SEZ6L: variants seen among roughly 807,000 people sequenced by gnomAD.
SEZ6L encodes seizure 6-like protein.
SEZ6L carries 37 observed loss-of-function variants against 106.2 expected under a neutral mutation model. The observed-to-expected ratio is 0.35, with a 90% CI of 0.27 to 0.46. The LOEUF (loss-of-function observed/expected upper bound fraction) is 0.46. Ranked by LOEUF, SEZ6L falls within the 20% of genes least tolerant of loss-of-function variation. The probability of loss-of-function intolerance (pLI) is 1.00; values close to 1 mark genes in which losing one functional copy is unlikely to be tolerated. For missense variants in SEZ6L, 1,172 were observed against 1,332.8 expected (o/e 0.88, Z 1.88); for synonymous variants, 541 against 570.4 (o/e 0.95, Z 0.73).
At chr22:26,323,977 T>C (rs1322266624) in intron 9 of SEZ6L, among the ~76,000 whole-genome samples, 1 of 151,834 alleles carries the variant, frequency 6.6e-6, no homozygotes, top group Non-Finnish European at 1.5e-5. Context: ...CTGAGAGAGA[T>C]GAAACTGCTT....
chr22:26,269,089 T>G (rs893005895), intron 1 of SEZ6L, among the ~76,000 whole-genome samples: 2 of 152,208 alleles, frequency 1.3e-5, no homozygotes, highest in African/African-American at 4.8e-5. Flanking sequence ...TGATTAACTG[T>G]GATGCTGTTC....
At chr22:26,282,162 C>T (rs5997062) in intron 1 of SEZ6L, among the ~76,000 whole-genome samples, 63,283 of 152,038 alleles carry the variant, frequency 0.42, 15,688 homozygotes, top group African/African-American at 0.69. Flanking sequence ...ATTCTGAAAG[C>T]TCTTGCCGTG....
At chr22:26,273,826 G>T (rs1257515610) in intron 1 of SEZ6L, among the ~76,000 whole-genome samples, 2 of 152,144 alleles carry the variant, frequency 1.3e-5, no homozygotes, top group Non-Finnish European at 2.9e-5. Context: ...GGGGTAGGAT[G>T]GGATAGAATA....
chr22:26,361,905 G>A (rs1941122), intron 12 of SEZ6L, among the ~76,000 whole-genome samples: 106,077 of 151,936 alleles, frequency 0.7, 37,443 homozygotes, highest in East Asian at 0.96. Context: ...GAGCTCAGCT[G>A]GGTTGAGGAC....
chr22:26,204,801 A>G (rs1397637791), intron 1 of SEZ6L, among the ~76,000 whole-genome samples: 2 of 152,236 alleles, frequency 1.3e-5, no homozygotes, highest in African/African-American at 4.8e-5. Flanking sequence ...AGACAGGAGC[A>G]GATATGCTCT....
At chr22:26,304,945 T>A (rs944397324) in intron 5 of SEZ6L, among the ~76,000 whole-genome samples, 1 of 152,218 alleles carries the variant, frequency 6.6e-6, no homozygotes, top group Non-Finnish European at 1.5e-5. Context: ...ATAGAGTGTA[T>A]GTACACGAGC....
intron 1 of SEZ6L, among the ~76,000 whole-genome samples, chr22:26,177,048 G>C (rs1939054446): frequency 6.6e-6 from 1 of 152,100 alleles, no homozygotes; most frequent in Admixed American, 6.5e-5. Context: ...ATCTAATCAG[G>C]TATAAATTCT....
intron 1 of SEZ6L, among the ~76,000 whole-genome samples, chr22:26,224,630 G>A (rs2078582593): frequency 6.6e-6 from 1 of 152,318 alleles, no homozygotes; most frequent in East Asian, 1.9e-4. Context: ...GTCTACAGAG[G>A]TTTGACATAG....
At chr22:26,221,568 T>C (rs1484681455) in intron 1 of SEZ6L, among the ~76,000 whole-genome samples, 1 of 152,228 alleles carries the variant, frequency 6.6e-6, no homozygotes, top group Non-Finnish European at 1.5e-5. Context: ...AGGAGCTTCA[T>C]GTGAATCCCG....
chr22:26,181,988 A>G (rs1939430298), intron 1 of SEZ6L, among the ~76,000 whole-genome samples: 1 of 152,218 alleles, frequency 6.6e-6, no homozygotes. Context: ...TATTATCATT[A>G]TTAATCACTG....
intron 1 of SEZ6L, among the ~76,000 whole-genome samples, chr22:26,283,890 T>C (rs1441120987): frequency 6.6e-6 from 1 of 152,234 alleles, no homozygotes; most frequent in African/African-American, 2.4e-5. Context: ...CATATGTGGG[T>C]ATTTACTGCG....
chr22:26,343,090 C>A (rs2082894814), intron 10 of SEZ6L, among the ~76,000 whole-genome samples: 1 of 152,040 alleles, frequency 6.6e-6, no homozygotes, highest in South Asian at 2.1e-4. Context: ...CTTGTGGGTT[C>A]CCCGCTCTTT....
intron 11 of SEZ6L, among the ~76,000 whole-genome samples, chr22:26,348,362 G>A (rs957797024): frequency 1.3e-5 from 2 of 151,054 alleles, no homozygotes; most frequent in African/African-American, 4.9e-5. Flanking sequence ...AAATTAGCTG[G>A]GTGTGGTGGG....
At chr22:26,295,974 G>T (rs1365573131) in intron 3 of SEZ6L, among the ~76,000 whole-genome samples, 1 of 152,100 alleles carries the variant, frequency 6.6e-6, no homozygotes, top group Non-Finnish European at 1.5e-5. Flanking sequence ...AGAGAAAAGA[G>T]GATAAGATAT....
At chr22:26,334,925 C>T (rs1196595544) in intron 9 of SEZ6L, among the ~76,000 whole-genome samples, 3 of 152,182 alleles carry the variant, frequency 2.0e-5, no homozygotes, top group African/African-American at 7.2e-5. Context: ...CTCCATCTCC[C>T]CTTCATCCTG....
intron 1 of SEZ6L, among the ~76,000 whole-genome samples, chr22:26,233,541 C>T (rs571909601): frequency 3.3e-5 from 5 of 152,232 alleles, no homozygotes; most frequent in Admixed American, 6.5e-5. Flanking sequence ...GATGAGGAAG[C>T]TGAGGCTCGA....
Position 26,224,255 on chromosome 22 carries a change from C to T in SEZ6L, c.94+54492C>T, listed in dbSNP as rs367718342. ...GCTGGCTCTCTCAGAGGTTCTATAACCAAGAGGGAGTTAGGGAGATTTGAG... is the reference window on the plus strand; with the variant it reads ...GCTGGCTCTCTCAGAGGTTCTATAATCAAGAGGGAGTTAGGGAGATTTGAG... On this transcript the variant is annotated intron_variant, in intron 1 of 16. Transcript: ENST00000248933. 1.1e-4 allele frequency among the ~76,000 whole-genome samples: 16 copies of T among 152,212 alleles called. No homozygotes were observed. The East Asian group carries it at 2.7e-3, about 26-fold the overall frequency.
chr22:26,262,101 C>G (rs1270114885), intron 1 of SEZ6L, among the ~76,000 whole-genome samples: 1 of 151,216 alleles, frequency 6.6e-6, no homozygotes, highest in East Asian at 1.9e-4. Flanking sequence ...TTCTATGAGA[C>G]AAAAGAATTC....
chr22:26,277,650 T>G (rs771016870), intron 1 of SEZ6L, among the ~76,000 whole-genome samples: 11 of 152,176 alleles, frequency 7.2e-5, no homozygotes, highest in Non-Finnish European at 1.3e-4. Context: ...AAATCTACAA[T>G]CCGTCACTTA....
Sources: gnomAD v4.1 joint callset for allele counts (sites outside exome capture counted in the v4.1 genomes callset) on GRCh38, gnomAD v4.1.1 for gene constraint, MANE v1.5 for transcripts, NCBI Gene and HGNC (gene_info 2026-07-23, HGNC 2026-07-21) for gene names.